The following COMP variants were observed in gnomAD, a reference collection of about 807,000 sequenced individuals.
COMP encodes cartilage oligomeric matrix protein, also known as cartilage oligomeric matrix protein (pseudoachondroplasia, epiphyseal dysplasia 1, multiple).
In COMP, 79 loss-of-function variants were observed where a neutral mutation model predicts 95.8. The ratio of observed to expected loss-of-function variants is 0.82; its 90% confidence interval spans 0.69 to 0.99. COMP has a LOEUF of 0.99. COMP is among the 50% of genes least tolerant of loss of function. The probability of loss-of-function intolerance (pLI) is 0.00; values close to 1 mark genes in which losing one functional copy is unlikely to be tolerated. For synonymous variants in COMP, 438 were observed against 433.9 expected (o/e 1.01, Z -0.12); for missense variants, 906 against 1,076.1 (o/e 0.84, Z 2.21).
intron 9 of COMP, among the ~76,000 whole-genome samples, chr19:18,787,958 C>T (rs916532616): frequency 1.4e-5 from 2 of 147,220 alleles, no homozygotes; most frequent in African/African-American, 5.1e-5. Flanking sequence ...GGCTGGAGTG[C>T]AGTGGCGCGA....
intron 10 of COMP, 112 bp from the exon 11 acceptor site, chr19:18,786,762 G>GGTTTTTTT (rs1264257065): frequency 3.5e-6 from 1 of 289,140 alleles, no homozygotes; most frequent in African/African-American, 5.2e-5. Context: ...CTTCATGGAA[G>GGTTTTTTT]CTTTTTTTTT....
Position 18,788,681 on chromosome 19 carries a change from C to A in COMP, c.673G>T (p.Ala225Ser), listed in dbSNP as rs1321138791. The change falls in exon 7 of 19, where the codon GCA (alanine) becomes TCA (serine). Residue 225 changes from alanine to serine, a missense_variant. Physicochemically the swap from Ala to Ser is moderately conservative, Grantham distance 99. Transcript: ENST00000222271. The surrounding 1 kb of genome is among the most constrained non-coding windows in gnomAD (Gnocchi z 4.7). ...GDQASGCQRR[A>S]QRFCPDGSPS... ...GAGCCGTCGGGGCAGAAGCGCTGTG[C>A]GCGCCGCTGGCAGCCGGACGCCTGG... is the stretch of plus-strand genomic sequence containing the variant. 6.5e-7 allele frequency: 1 copy of A among 1,542,068 alleles called. No homozygotes were observed. The highest frequency in any genetic ancestry group is 8.7e-7 in the Non-Finnish European group (1 of 1,145,132).
chr19:18,790,220 A>T (rs1008700880), intron 3 of COMP, 106 bp from the exon 4 acceptor site: 3 of 452,316 alleles, frequency 6.6e-6, no homozygotes. Context: ...CTTCCCCCCC[A>T]CCCCCCGCCC....
chr19:18,788,885 G>T lies in COMP; in HGVS notation c.557C>A (p.Thr186Asn). 6.2e-7 allele frequency: 1 copy of T among 1,613,934 alleles called. No individual in the cohort carries two copies. Among genetic ancestry groups the T allele is most frequent in the Non-Finnish European group, 8.5e-7 (1 of 1,179,992 alleles). ...GTTGGGGACGCAGTTATGTTGCCCGGTCTCACACTCGTTGATGTCCGTGCA... is the reference window on the plus strand; with the variant it reads ...GTTGGGGACGCAGTTATGTTGCCCGTTCTCACACTCGTTGATGTCCGTGCA... ...QVCTDINECE[T>N]GQHNCVPNSV... is the part of the protein sequence containing the mutation. Residue 186 changes from threonine (T) to asparagine (N), a missense_variant, in exon 6 of 19, where the codon ACC becomes AAC. By Grantham distance (65) the Thr-to-Asn change is moderately conservative. Coordinates refer to ENST00000222271, the MANE Select transcript of COMP (RefSeq NM_000095.3). The surrounding 1 kb of genome is among the most constrained non-coding windows in gnomAD (Gnocchi z 4.7).
chr19:18,784,391 A>AGACCTC lies in COMP; in HGVS notation c.1915-34_1915-29dup, dbSNP rs766543871. ...GCCAATACCCAGGAAAGGTGGTCAG[A>AGACCTC]GACCTCGTGGGCCACCGGAGCCCCC... On this transcript the variant is annotated intron_variant, in intron 16 of 18. Transcript: ENST00000222271. This position sits in a 1 kb window ranked among gnomAD's most constrained non-coding sequence, Gnocchi z 4.9. The AGACCTC allele has an allele frequency of 1.2e-6, 2 of 1,613,430 alleles. No individual in the cohort carries two copies. Among genetic ancestry groups the AGACCTC allele is most frequent in the Non-Finnish European group, 1.7e-6 (2 of 1,179,912 alleles).
At position 18,784,816 on chromosome 19, in the gene COMP, C is replaced by CT; in HGVS notation, c.1914+79dup. Reference sequence around the variant, plus strand: ...TATGAGGCTAGGGGGCTGGGGGGCTCTAAGGGCTGTAAAGGGTTTTACGGA... The same window carrying CT: ...TATGAGGCTAGGGGGCTGGGGGGCTCTTAAGGGCTGTAAAGGGTTTTACGGA... On this transcript the variant is annotated intron_variant, in intron 16 of 18. Coordinates refer to ENST00000222271, the MANE Select transcript of COMP (RefSeq NM_000095.3). This position sits in a 1 kb window ranked among gnomAD's most constrained non-coding sequence, Gnocchi z 4.9. 1 of 1,521,336 alleles carries CT rather than the reference C, an allele frequency of 6.6e-7. No homozygotes were observed. Among genetic ancestry groups the CT allele is most frequent in the African/African-American group, 1.4e-5 (1 of 73,170 alleles). The allele number at this position is 1,521,336 out of a possible 1,614,324, so 94.2% of individuals were successfully genotyped here.
Position 18,784,363 on chromosome 19 carries a change from C to G in COMP, c.1915G>C (p.Ala639Pro), listed in dbSNP as rs1256556440. Residue 639 changes from alanine to proline, a missense_variant and splice_region_variant, in exon 17 of 19, where the codon GCT becomes CCT. Coordinates refer to ENST00000222271, the MANE Select transcript of COMP (RefSeq NM_000095.3). This position sits in a 1 kb window ranked among gnomAD's most constrained non-coding sequence, Gnocchi z 4.9. The stretch of plus-strand genomic sequence containing the variant: ...CCGGGGCCTGTGGAAGACTTCACAG[C>G]CTGCCAATACCCAGGAAAGGTGGTC... ...AVAEPGIQLK[A>P]VKSSTGPGEQ... 6.2e-7 allele frequency: 1 copy of G among 1,613,796 alleles called. No individual in the cohort carries two copies. Among genetic ancestry groups the G allele is most frequent in the African/African-American group, 1.3e-5 (1 of 74,912 alleles).
At chr19:18,787,102 C>G in intron 10 of COMP, 1 of 388,006 alleles carries the variant, frequency 2.6e-6, no homozygotes, top group East Asian at 6.3e-5. Flanking sequence ...TGGTCCCATC[C>G]AAGGGAAGGC....
rs562232083 is a variant in COMP, at chr19:18,787,344, G to A, written c.1135+147C>T. On this transcript the variant is annotated intron_variant, in intron 10 of 18. Transcript: ENST00000222271. ...TTGCAGCCCAGCTTGCATTTTTCTG[G>A]CGCCCCACCATGGTCTTTGGTCCAG... is the stretch of plus-strand genomic sequence containing the variant. 11 of 1,153,640 alleles carry A rather than the reference G, an allele frequency of 9.5e-6. No individual in the cohort carries two copies. In the Admixed American group the frequency reaches 2.2e-4, roughly 23 times the overall value. The allele number at this position is 1,153,640 out of a possible 1,614,324, so 71.5% of individuals were successfully genotyped here. A position where few individuals can be genotyped will look rare whatever the true frequency, so the allele number is the denominator to read the frequency against.
chr19:18,783,337 C>T (rs2055139531), intron 17 of COMP, 144 bp from the exon 18 acceptor site: 2 of 1,203,950 alleles, frequency 1.7e-6, no homozygotes, highest in African/African-American at 1.5e-5. Context: ...CCTCAGTTTC[C>T]TGGTGTGGTG....
Position 18,790,010 on chromosome 19 carries a change from C to G in COMP, c.322G>C (p.Gly108Arg). The change falls in exon 4 of 19, where the codon GGC becomes CGC. Residue 108 changes from glycine (G) to arginine (R), a missense_variant. Coordinates refer to ENST00000222271, the MANE Select transcript of COMP (RefSeq NM_000095.3). Reference protein sequence around the residue: ...PGVACIQTESGARCGPCPAGF... With the variant: ...PGVACIQTESRARCGPCPAGF... ...GCGGGGCAGGGGCCGCAGCGCGCGC[C>G]GCTCTCCGTCTGGATGCAGGCCACG... is the stretch of plus-strand genomic sequence containing the variant. 1 of 1,587,732 alleles carries G rather than the reference C, an allele frequency of 6.3e-7. No individual in the cohort carries two copies. The highest frequency in any genetic ancestry group is 8.5e-7 in the Non-Finnish European group (1 of 1,173,942).
chr19:18,784,831 G>A lies in COMP; in HGVS notation c.1914+65C>T. Reference sequence around the variant, plus strand: ...CTGGGGGGCTCTAAGGGCTGTAAAGGGTTTTACGGAGGGTCATGGGAGGGC... The same window carrying A: ...CTGGGGGGCTCTAAGGGCTGTAAAGAGTTTTACGGAGGGTCATGGGAGGGC... On this transcript the variant is annotated intron_variant, in intron 16 of 18. Coordinates refer to ENST00000222271, the MANE Select transcript of COMP (RefSeq NM_000095.3). This position sits in a 1 kb window ranked among gnomAD's most constrained non-coding sequence, Gnocchi z 4.9. 1 of 1,563,074 alleles carries A rather than the reference G, an allele frequency of 6.4e-7. No individual in the cohort carries two copies. Among genetic ancestry groups the A allele is most frequent in the Non-Finnish European group, 8.8e-7 (1 of 1,141,230 alleles).
rs1456037465 is a variant in COMP, at chr19:18,788,682, G to T, written c.672C>A (p.Arg224=). The change falls in exon 7 of 19, where the codon CGC becomes CGA. Residue 224 remains arginine, a synonymous_variant. Coordinates refer to ENST00000222271, the MANE Select transcript of COMP (RefSeq NM_000095.3). The surrounding 1 kb of genome is among the most constrained non-coding windows in gnomAD (Gnocchi z 4.7). ...AGCCGTCGGGGCAGAAGCGCTGTGC[G>T]CGCCGCTGGCAGCCGGACGCCTGGT... ...VGDQASGCQR[R]AQRFCPDGSP... The T allele has an allele frequency of 1.3e-6, 2 of 1,541,904 alleles. No homozygotes were observed. Among genetic ancestry groups the T allele is most frequent in the Non-Finnish European group, 8.7e-7 (1 of 1,145,112 alleles).
In COMP at chr19:18,784,382, G is replaced by C. The variant is rs2055149998; in HGVS notation, c.1915-19C>G. On this transcript the variant is annotated intron_variant, in intron 16 of 18. Coordinates refer to ENST00000222271, the MANE Select transcript of COMP (RefSeq NM_000095.3). This position sits in a 1 kb window ranked among gnomAD's most constrained non-coding sequence, Gnocchi z 4.9. Reference sequence around the variant, plus strand: ...TCACAGCCTGCCAATACCCAGGAAAGGTGGTCAGAGACCTCGTGGGCCACC... The same window carrying C: ...TCACAGCCTGCCAATACCCAGGAAACGTGGTCAGAGACCTCGTGGGCCACC... 2 of 1,613,568 alleles carry C rather than the reference G, an allele frequency of 1.2e-6. No individual in the cohort carries two copies. The highest frequency in any genetic ancestry group is 2.7e-5 in the African/African-American group (2 of 74,898).
In COMP at chr19:18,789,414, T is replaced by C; in HGVS notation, c.391-117A>G. The C allele has an allele frequency of 8.7e-7, 1 of 1,146,958 alleles. No homozygotes were observed. The highest frequency in any genetic ancestry group is 3.2e-5 in the Admixed American group (1 of 31,312). 71.0% of individuals were successfully genotyped at this position (1,146,958 alleles called of 1,614,324 possible). ...GGCCATATGCCAGTGCTTGGAGCTC[T>C]GAGATGGAAGCAATTGTCGCAGGGG... is the stretch of plus-strand genomic sequence containing the variant. On this transcript the variant is annotated intron_variant, in intron 4 of 18. Transcript: ENST00000222271. This position sits in a 1 kb window ranked among gnomAD's most constrained non-coding sequence, Gnocchi z 6.1.
chr19:18,787,049 G>T, intron 10 of COMP: 1 of 347,256 alleles, frequency 2.9e-6, no homozygotes, highest in Non-Finnish European at 5.4e-6. Flanking sequence ...GGAATTATAG[G>T]CATGAGCCAC....
In COMP at chr19:18,785,545, C is replaced by T. The variant is rs1157989584; in HGVS notation, c.1670G>A (p.Gly557Glu). 6.2e-7 allele frequency: 1 copy of T among 1,614,070 alleles called. No homozygotes were observed. The highest frequency in any genetic ancestry group is 8.5e-7 in the Non-Finnish European group (1 of 1,180,032). ...IDPNWVVLNQ[G>E]REIVQTMNSD... is the part of the protein sequence containing the mutation. The stretch of plus-strand genomic sequence containing the variant: ...GTTCATTGTCTGCACGATCTCCCTT[C>T]CCTGATGGGGTCAAAGAAAGGAGGG... Residue 557 changes from glycine to glutamate, a missense_variant and splice_region_variant, in exon 15 of 19, where the codon GGA (glycine) becomes GAA (glutamate). Coordinates refer to ENST00000222271, the MANE Select transcript of COMP (RefSeq NM_000095.3).
chr19:18,784,994 T>A lies in COMP; in HGVS notation c.1816A>T (p.Ser606Cys). The A allele has an allele frequency of 6.2e-7, 1 of 1,614,094 alleles. No homozygotes were observed. Among genetic ancestry groups the A allele is most frequent in the East Asian group, 2.2e-5 (1 of 44,874 alleles). Residue 606 changes from serine to cysteine, a missense_variant, in exon 16 of 19, where the codon AGC (serine) becomes TGC (cysteine). By Grantham distance (112) the Ser-to-Cys change is moderately radical. Coordinates refer to ENST00000222271, the MANE Select transcript of COMP (RefSeq NM_000095.3). The surrounding 1 kb of genome is among the most constrained non-coding windows in gnomAD (Gnocchi z 4.9). ...YAGFIFGYQD[S>C]SSFYVVMWKQ... ...CACATGACCACGTAGAAGCTGGAGC[T>A]GTCCTGGTAGCCAAAGATGAAGCCC...
chr19:18,789,993 G>A lies in COMP; in HGVS notation c.339C>T (p.Pro113=). The change falls in exon 4 of 19, where the codon CCC becomes CCT. Residue 113 remains proline (P), a synonymous_variant. Coordinates refer to ENST00000222271, the MANE Select transcript of COMP (RefSeq NM_000095.3). This position sits in a 1 kb window ranked among gnomAD's most constrained non-coding sequence, Gnocchi z 6.1. ...CGTTGCCCGTGAAGCCCGCGGGGCA[G>A]GGGCCGCAGCGCGCGCCGCTCTCCG... ...IQTESGARCG[P]CPAGFTGNGS... 1 of 1,593,000 alleles carries A rather than the reference G, an allele frequency of 6.3e-7. No homozygotes were observed. Among genetic ancestry groups the A allele is most frequent in the South Asian group, 1.1e-5 (1 of 89,968 alleles).
Sources: gnomAD v4.1 joint callset for allele counts (sites outside exome capture counted in the v4.1 genomes callset) on GRCh38, gnomAD v4.1.1 for gene constraint, Gnocchi (gnomAD v3.1) non-coding constraint, MANE v1.5 for transcripts, NCBI Gene and HGNC (gene_info 2026-07-23, HGNC 2026-07-21) for gene names.